Variants in DCC observed in about 807,000 individuals in gnomAD.
DCC encodes the protein netrin receptor DCC.
Under a neutral mutation model 172.5 loss-of-function variants are expected in DCC, and 58 were observed. That is an observed-to-expected ratio of 0.34 (90% CI 0.27 to 0.42). DCC has a LOEUF of 0.42. DCC is among the 10% of genes least tolerant of loss of function. DCC has a pLI of 1.00. For missense variants in DCC, 1,740 were observed against 1,791.0 expected, an observed-to-expected ratio of 0.97 and a Z score of 0.51; for synonymous variants, 709 against 644.5, an observed-to-expected ratio of 1.10 and a Z score of -1.52.
intron 8 of DCC, among the ~76,000 whole-genome samples, chr18:53,158,196 T>C (rs192364814): frequency 5.3e-4 from 80 of 152,306 alleles, no homozygotes; most frequent in African/African-American, 1.8e-3. Flanking sequence ...TGGCTAGCAT[T>C]AAATTAAGTT....
Position 53,428,709 on chromosome 18 carries a change from T to C in DCC, c.3164-6435T>C, listed in dbSNP as rs190872564. Reference sequence around the variant, plus strand: ...TTATATATAATGTATATTTTATATATTATATATATTTATATATATTATATT... The same window carrying C: ...TTATATATAATGTATATTTTATATACTATATATATTTATATATATTATATT... On this transcript the variant is annotated intron_variant, in intron 21 of 28. Coordinates refer to ENST00000442544, the MANE Select transcript of DCC (RefSeq NM_005215.4). Among the ~76,000 whole-genome samples, 213 of 59,078 alleles carry C rather than the reference T, an allele frequency of 3.6e-3. 8 individuals are homozygous for C. The highest frequency in any genetic ancestry group is 0.01 in the African/African-American group (191 of 18,504). The allele number at this position is 59,078 out of a possible 152,430, so 38.8% of individuals were successfully genotyped here. A position where few individuals can be genotyped will look rare whatever the true frequency, so the allele number is the denominator to read the frequency against.
chr18:53,139,636 G>A (rs1189803806), intron 7 of DCC, among the ~76,000 whole-genome samples: 2 of 152,074 alleles, frequency 1.3e-5, no homozygotes, highest in African/African-American at 2.4e-5. Flanking sequence ...TCAAGCTTAG[G>A]AGTTAGCTGC....
Position 53,486,963 on chromosome 18 carries a change from T to C in DCC, c.3898+5T>C, listed in dbSNP as rs760885283. 4 of 1,614,038 alleles carry C rather than the reference T, an allele frequency of 2.5e-6. No homozygotes were observed. Among genetic ancestry groups the C allele is most frequent in the East Asian group, 4.5e-5 (2 of 44,888 alleles). ...TCGGAGCAGGAAGAAGTCAGTGTAA[T>C]GCATTTTCCTCTCTTTTTAATAAGC... is the stretch of plus-strand genomic sequence containing the variant. On this transcript the variant is annotated splice_donor_5th_base_variant and intron_variant, in intron 26 of 28. Transcript: ENST00000442544.
intron 8 of DCC, among the ~76,000 whole-genome samples, chr18:53,158,039 G>A (rs2054772809): frequency 1.3e-5 from 2 of 152,226 alleles, no homozygotes; most frequent in African/African-American, 4.8e-5. Flanking sequence ...TTACCCTGAT[G>A]TGATTATGAC....
chr18:53,082,782 T>C (rs548750465), intron 7 of DCC, among the ~76,000 whole-genome samples: 1 of 152,216 alleles, frequency 6.6e-6, no homozygotes, highest in Non-Finnish European at 1.5e-5. Flanking sequence ...CTTTATTATA[T>C]CTTCTTTTCT....
intron 2 of DCC, among the ~76,000 whole-genome samples, chr18:52,869,368 TGTC>T (rs1453991721): frequency 6.6e-6 from 1 of 152,206 alleles, no homozygotes; most frequent in African/African-American, 2.4e-5. Flanking sequence ...GTCGTCCTGT[TGTC>T]TGCTCTGCTC....
intron 5 of DCC, among the ~76,000 whole-genome samples, chr18:52,970,681 A>G (rs144206130): frequency 0.01 from 1,549 of 152,342 alleles, 36 homozygotes; most frequent in African/African-American, 0.036. Flanking sequence ...AATTATAAAT[A>G]TAGCATGGGG....
intron 1 of DCC, among the ~76,000 whole-genome samples, chr18:52,482,482 C>A (rs1478156345): frequency 6.6e-6 from 1 of 152,090 alleles, no homozygotes; most frequent in Non-Finnish European, 1.5e-5. Context: ...TCTGGGAAGT[C>A]CAAGATCAAA....
At chr18:52,843,520 GAA>G (rs1240693261) in intron 2 of DCC, among the ~76,000 whole-genome samples, 6 of 152,074 alleles carry the variant, frequency 3.9e-5, no homozygotes, top group African/African-American at 1.4e-4. Flanking sequence ...GCATTGTAAA[GAA>G]AAACATAATT....
At chr18:53,390,115 C>A (rs189316373) in intron 16 of DCC, among the ~76,000 whole-genome samples, 1 of 152,262 alleles carries the variant, frequency 6.6e-6, no homozygotes, top group African/African-American at 2.4e-5. Context: ...GTGGAGACTG[C>A]AACGTCTTCT....
intron 1 of DCC, among the ~76,000 whole-genome samples, chr18:52,513,680 G>A (rs184532024): frequency 2.5e-4 from 38 of 152,090 alleles, no homozygotes; most frequent in African/African-American, 7.0e-4. Context: ...CTAAAACTAG[G>A]TCCCTTTCCT....
rs908875049 is a variant in DCC at position 53,011,227 on chromosome 18, A to C, written c.986-52078A>C. ...GTTTAAGTGTGATTAAAAGCAGCTA[A>C]TATACTCAAAGATATCTGCATCTCA... On this transcript the variant is annotated intron_variant, in intron 5 of 28. Transcript: ENST00000442544. 5.3e-5 allele frequency among the ~76,000 whole-genome samples: 8 copies of C among 151,682 alleles called. No homozygotes were observed. The South Asian group carries it at 6.2e-4, about 12-fold the overall frequency.
At chr18:52,980,341 C>T (rs576619831) in intron 5 of DCC, among the ~76,000 whole-genome samples, 1 of 151,948 alleles carries the variant, frequency 6.6e-6, no homozygotes, top group African/African-American at 2.4e-5. Context: ...TATTTTAATT[C>T]ATCTTTAAAT....
intron 14 of DCC, among the ~76,000 whole-genome samples, chr18:53,322,888 A>G (rs1013022427): frequency 1.3e-5 from 2 of 151,918 alleles, no homozygotes; most frequent in African/African-American, 4.8e-5. Context: ...GAAATTTAAA[A>G]GGTAAGAATT....
chr18:52,972,588 A>T (rs1252260663), intron 5 of DCC, among the ~76,000 whole-genome samples: 14 of 151,718 alleles, frequency 9.2e-5, no homozygotes, highest in Non-Finnish European at 2.9e-5. Context: ...TGTCTATGTA[A>T]TAAAATATAT....
rs765050052 is a variant in DCC, at chr18:52,906,074, C to A, written c.443C>A (p.Ser148Tyr). The A allele has an allele frequency of 3.7e-5, 59 of 1,612,626 alleles. 1 individual carries two copies. In the Admixed American group the frequency reaches 6.5e-4, roughly 18 times the overall value. Residue 148 changes from serine (S) to tyrosine (Y), a missense_variant, in exon 3 of 29, where the codon TCT becomes TAT. Around this residue, in one of 2 missense-constraint regions of DCC, gnomAD observed 1,732 missense variants for 1,767.4 expected, o/e 0.98. Coordinates refer to ENST00000442544, the MANE Select transcript of DCC (RefSeq NM_005215.4). Reference sequence around the variant, plus strand: ...CTGAGGTTCCTTTCACAGACAGAATCTGTCACAGCCTTCATGGGAGACACA... The same window carrying A: ...CTGAGGTTCCTTTCACAGACAGAATATGTCACAGCCTTCATGGGAGACACA... ...GPLRFLSQTE[S>Y]VTAFMGDTVL...
intron 1 of DCC, among the ~76,000 whole-genome samples, chr18:52,364,626 A>C (rs1005503291): frequency 6.6e-6 from 1 of 152,194 alleles, no homozygotes; most frequent in African/African-American, 2.4e-5. Context: ...TAATACCACC[A>C]AGGGCAGGTT....
intron 1 of DCC, among the ~76,000 whole-genome samples, chr18:52,536,268 T>C (rs1233015645): frequency 6.6e-6 from 1 of 152,120 alleles, no homozygotes; most frequent in Non-Finnish European, 1.5e-5. Context: ...ATAGACCAAC[T>C]TGGCACTTCA....
rs143513559 is a variant in DCC at position 52,479,479 on chromosome 18, A to C, written c.91+138601A>C. ...GAATGTTCTTTGGACAATTAAAGCT[A>C]CTAGGACATCTACAAAATCTGTGTA... On this transcript the variant is annotated intron_variant, in intron 1 of 28. Coordinates refer to ENST00000442544, the MANE Select transcript of DCC (RefSeq NM_005215.4). Among the ~76,000 whole-genome samples, 14 of 151,874 alleles carry C rather than the reference A, an allele frequency of 9.2e-5. No individual in the cohort carries two copies. The East Asian group carries it at 2.7e-3, about 30-fold the overall frequency.
Sources: gnomAD v4.1 joint callset for allele counts (sites outside exome capture counted in the v4.1 genomes callset) on GRCh38, gnomAD v4.1.1 for gene constraint, gnomAD v4.1.1 regional missense constraint, MANE v1.5 for transcripts, NCBI Gene and HGNC (gene_info 2026-07-23, HGNC 2026-07-21) for gene names.